SPRED2: variants seen among roughly 807,000 people sequenced by gnomAD.
The protein encoded by SPRED2 is sprouty related EVH1 domain containing 2, also known as sprouty-related, EVH1 domain-containing protein 2.
A neutral mutation model predicts 43.0 loss-of-function variants in SPRED2; 47 were observed. The ratio of observed to expected loss-of-function variants is 1.09; its 90% CI spans 0.87 to 1.40. SPRED2 has a LOEUF of 1.40. Ranked by LOEUF, SPRED2 falls within the 40% of genes most tolerant of loss-of-function variation. The pLI, the probability that SPRED2 is intolerant of heterozygous loss-of-function variation, is 0.00. For synonymous variants in SPRED2, 225 were observed against 225.7 expected (o/e 1.00, Z 0.03); for missense variants, 561 against 586.4 (o/e 0.96, Z 0.45).
intron 1 of SPRED2, among the ~76,000 whole-genome samples, chr2:65,414,027 T>C (rs1418399350): frequency 6.6e-6 from 1 of 152,224 alleles, no homozygotes; most frequent in African/African-American, 2.4e-5. Flanking sequence ...TCTAGGGATA[T>C]ACCGTCCCAG....
chr2:65,366,473 TC>T, intron 1 of SPRED2: 4 of 1,027,610 alleles, frequency 3.9e-6, no homozygotes, highest in Non-Finnish European at 5.8e-6. Flanking sequence ...CACACTGTGG[TC>T]CTCTACAACT....
intron 4 of SPRED2, among the ~76,000 whole-genome samples, chr2:65,323,293 C>T (rs748870814): frequency 2.0e-5 from 3 of 152,140 alleles, no homozygotes; most frequent in Non-Finnish European, 4.4e-5. Flanking sequence ...CTGCACCTGG[C>T]CCACTGTCAA....
chr2:65,315,556 T>C lies in SPRED2; in HGVS notation c.588+1178A>G, dbSNP rs1673208414. ...TGAAAATCATGATTTCAGAAGGATT[T>C]CAAAACAAATCTCGGAAACTGACAC... On this transcript the variant is annotated intron_variant, in intron 5 of 5. Coordinates refer to ENST00000356388, the MANE Select transcript of SPRED2 (RefSeq NM_181784.3). Among the ~76,000 whole-genome samples the C allele has an allele frequency of 2.0e-5, 3 of 152,256 alleles. No homozygotes were observed. The South Asian group carries it at 6.2e-4, about 32-fold the overall frequency.
chr2:65,422,651 A>T (rs1211509904), intron 1 of SPRED2, among the ~76,000 whole-genome samples: 1 of 152,074 alleles, frequency 6.6e-6, no homozygotes, highest in Non-Finnish European at 1.5e-5. Context: ...AGTTATTCCG[A>T]TTCACAGTAT....
intron 5 of SPRED2, among the ~76,000 whole-genome samples, chr2:65,314,481 G>A (rs1449494905): frequency 6.6e-6 from 1 of 152,158 alleles, no homozygotes; most frequent in Non-Finnish European, 1.5e-5. Context: ...ACATGGCAAG[G>A]GCACAGTGTG....
At chr2:65,420,978 T>C (rs948678714) in intron 1 of SPRED2, among the ~76,000 whole-genome samples, 1 of 152,248 alleles carries the variant, frequency 6.6e-6, no homozygotes, top group African/African-American at 2.4e-5. Flanking sequence ...AATTACTTCC[T>C]GTGATTTCTT....
intron 3 of SPRED2, chr2:65,334,361 G>GT (rs932017458): frequency 5.0e-6 from 3 of 603,602 alleles, no homozygotes; most frequent in Middle Eastern, 2.6e-4. Context: ...GAACCTGCCT[G>GT]TTTTTTCACA....
intron 1 of SPRED2, among the ~76,000 whole-genome samples, chr2:65,378,329 T>C (rs1558676479): frequency 6.6e-6 from 1 of 152,240 alleles, no homozygotes; most frequent in Non-Finnish European, 1.5e-5. Context: ...GATCATGGTA[T>C]TGCGGTTCTT....
At chr2:65,380,629 T>C (rs908086982) in intron 1 of SPRED2, 12 of 152,234 alleles carry the variant, frequency 7.9e-5, no homozygotes, top group Admixed American at 2.0e-4. Context: ...TACTTACTAG[T>C]GCCAAGTATG....
At chr2:65,322,342 G>A (rs754874162) in intron 4 of SPRED2, among the ~76,000 whole-genome samples, 7 of 131,234 alleles carry the variant, frequency 5.3e-5, no homozygotes, top group Non-Finnish European at 9.3e-5. Context: ...TGCCCAGGCT[G>A]GAGTGCAGTG....
At chr2:65,321,505 A>G (rs939274710) in intron 4 of SPRED2, among the ~76,000 whole-genome samples, 1 of 16,880 alleles carries the variant, frequency 5.9e-5, no homozygotes, top group Non-Finnish European at 9.3e-5. Flanking sequence ...GACCCTGTCT[A>G]AAAAAAAAAA....
At chr2:65,406,152 G>A (rs912138825) in intron 1 of SPRED2, among the ~76,000 whole-genome samples, 5 of 152,266 alleles carry the variant, frequency 3.3e-5, no homozygotes, top group Admixed American at 2.0e-4. Context: ...GTGCTACCAT[G>A]AGATTATAAA....
chr2:65,327,940 T>C (rs1023574480), intron 4 of SPRED2, among the ~76,000 whole-genome samples: 3 of 151,966 alleles, frequency 2.0e-5, no homozygotes, highest in Non-Finnish European at 4.4e-5. Flanking sequence ...GCCAGGCTGG[T>C]CTTGAATTGC....
intron 1 of SPRED2, among the ~76,000 whole-genome samples, chr2:65,386,382 C>T (rs780121589): frequency 6.6e-6 from 1 of 151,172 alleles, no homozygotes; most frequent in Non-Finnish European, 1.5e-5. Context: ...TCAGCAACCA[C>T]AATAGTAGTA....
chr2:65,415,382 C>T (rs1023193584), intron 1 of SPRED2, among the ~76,000 whole-genome samples: 15 of 151,976 alleles, frequency 9.9e-5, no homozygotes, highest in Admixed American at 8.5e-4. Context: ...TAGGTAAAAG[C>T]ATATGATTTT....
At chr2:65,420,132 C>T (rs1676386628) in intron 1 of SPRED2, among the ~76,000 whole-genome samples, 1 of 150,190 alleles carries the variant, frequency 6.7e-6, no homozygotes. Context: ...ATCGCTTGAA[C>T]CCAGGAGGCG....
chr2:65,344,570 A>G lies in SPRED2; in HGVS notation c.204+149T>C, dbSNP rs1024523801. 7 of 1,037,028 alleles carry G rather than the reference A, an allele frequency of 6.8e-6. No individual in the cohort carries two copies. The African/African-American group carries it at 1.1e-4, about 16-fold the overall frequency. The allele number at this position is 1,037,028 out of a possible 1,614,324, so 64.2% of individuals were successfully genotyped here. On this transcript the variant is annotated intron_variant, in intron 2 of 5. Transcript: ENST00000356388. ...CAGTCACGTTTTACAATTTGGCACC[A>G]GCTCCGGGGTTCTAACTTTTGAAGC...
In SPRED2 at chr2:65,347,299, C is replaced by T. The variant is rs529201800; in HGVS notation, c.27-2403G>A. 2.6e-5 allele frequency among the ~76,000 whole-genome samples: 4 copies of T among 152,220 alleles called. No homozygotes were observed. In the East Asian group the frequency reaches 5.8e-4, roughly 22 times the overall value. On this transcript the variant is annotated intron_variant, in intron 1 of 5. Transcript: ENST00000356388. ...CTACCATCTACCTACTCTGTAACCC[C>T]ACCCAGGCTGCTGAACATAGTGAGA...
intron 1 of SPRED2, among the ~76,000 whole-genome samples, chr2:65,354,106 G>A (rs1674581661): frequency 6.6e-6 from 1 of 152,240 alleles, no homozygotes; most frequent in Non-Finnish European, 1.5e-5. Flanking sequence ...AGGCTTAGGA[G>A]CCTTTGAGGA....
Sources: allele counts gnomAD v4.1 joint callset (sites outside exome capture counted in the v4.1 genomes callset), GRCh38; gene constraint gnomAD v4.1.1; transcripts MANE v1.5; gene names NCBI Gene and HGNC (gene_info 2026-07-23, HGNC 2026-07-21).